Variants in SNTG2 observed in about 807,000 individuals in gnomAD.
SNTG2 encodes the protein syntrophin gamma 2.
In SNTG2, 74 loss-of-function variants were observed where a neutral mutation model predicts 70.9. The observed-to-expected ratio is 1.04, with a 90% CI of 0.86 to 1.27. The LOEUF (loss-of-function observed/expected upper bound fraction) is 1.27, where lower values mean the gene tolerates loss of function less well. Ranked by LOEUF, SNTG2 falls within the 50% of genes most tolerant of loss-of-function variation. The pLI is 0.00. For missense variants in SNTG2, 717 were observed against 690.7 expected, an observed-to-expected ratio of 1.04 and a Z score of -0.43; for synonymous variants, 278 against 273.8, an observed-to-expected ratio of 1.02 and a Z score of -0.15.
intron 4 of SNTG2, among the ~76,000 whole-genome samples, chr2:1,112,168 C>T (rs568064831): frequency 4.0e-5 from 6 of 151,464 alleles, no homozygotes; most frequent in Admixed American, 1.3e-4. Context: ...TGAGAAGGAT[C>T]GTGTGTACTA....
intron 1 of SNTG2, among the ~76,000 whole-genome samples, chr2:1,077,582 A>AT: frequency 2.0e-5 from 3 of 152,172 alleles, no homozygotes; most frequent in Admixed American, 2.0e-4. Flanking sequence ...CGAATATGGT[A>AT]TTTTTGTTAC....
intron 10 of SNTG2, among the ~76,000 whole-genome samples, chr2:1,238,642 C>T (rs1366307912): frequency 2.0e-5 from 3 of 152,196 alleles, no homozygotes; most frequent in African/African-American, 2.4e-5. Context: ...TGCCTGGACT[C>T]GGACATGGAG....
intron 1 of SNTG2, among the ~76,000 whole-genome samples, chr2:1,021,200 C>T (rs1660152169): frequency 6.6e-6 from 1 of 152,134 alleles, no homozygotes; most frequent in African/African-American, 2.4e-5. Flanking sequence ...ATTACATATA[C>T]ATGGTGCACT....
chr2:1,226,789 T>G (rs1381184575), intron 9 of SNTG2, among the ~76,000 whole-genome samples: 2 of 152,392 alleles, frequency 1.3e-5, no homozygotes, highest in African/African-American at 4.8e-5. Flanking sequence ...CCTGTAAGAA[T>G]CTTTTAGACT....
At chr2:1,134,991 C>T (rs912823201) in intron 4 of SNTG2, among the ~76,000 whole-genome samples, 5 of 152,300 alleles carry the variant, frequency 3.3e-5, no homozygotes, top group East Asian at 3.9e-4. Flanking sequence ...TTGAGACAGA[C>T]GCTGGGCTGC....
chr2:1,170,839 TG>T, intron 7 of SNTG2, among the ~76,000 whole-genome samples: 1 of 152,222 alleles, frequency 6.6e-6, no homozygotes, highest in South Asian at 2.1e-4. Flanking sequence ...TCTTGGGAGA[TG>T]TTTTCCTTCC....
At chr2:1,199,113 CA>C (rs200128912) in intron 8 of SNTG2, among the ~76,000 whole-genome samples, 1,907 of 151,276 alleles carry the variant, frequency 0.013, 45 homozygotes, top group African/African-American at 0.044. Flanking sequence ...CTGATGAACA[CA>C]GACACAAAAA....
intron 1 of SNTG2, among the ~76,000 whole-genome samples, chr2:980,925 A>C (rs1253893700): frequency 6.6e-6 from 1 of 152,168 alleles, no homozygotes; most frequent in Non-Finnish European, 1.5e-5. Flanking sequence ...AATCATCATG[A>C]CAGCCCAATT....
intron 6 of SNTG2, among the ~76,000 whole-genome samples, chr2:1,154,180 G>A (rs1414846403): frequency 6.6e-6 from 1 of 151,988 alleles, no homozygotes; most frequent in African/African-American, 2.4e-5. Context: ...GAGGCGGGAG[G>A]AGCATGGTTG....
chr2:1,047,947 G>T (rs890514566), intron 1 of SNTG2, among the ~76,000 whole-genome samples: 7 of 152,136 alleles, frequency 4.6e-5, no homozygotes, highest in African/African-American at 1.7e-4. Flanking sequence ...TTTTAACCAG[G>T]TGCTGTTCAA....
At position 1,353,145 on chromosome 2, in the gene SNTG2, G is replaced by A. The variant is rs1161798160; in HGVS notation, c.1489-14198G>A. ...CCACTGGGAGCTTGAAACTGGCTGT[G>A]GCGGGAGCACATATACCTCAGCAGT... On this transcript the variant is annotated intron_variant, in intron 16 of 16. Coordinates refer to ENST00000308624, the MANE Select transcript of SNTG2 (RefSeq NM_018968.4). The surrounding 1 kb of genome is among the most constrained non-coding windows in gnomAD (Gnocchi z 4.2). Among the ~76,000 whole-genome samples, 1 of 152,112 alleles carries A rather than the reference G, an allele frequency of 6.6e-6. No homozygotes were observed. The highest frequency in any genetic ancestry group is 1.5e-5 in the Non-Finnish European group (1 of 68,014).
chr2:1,117,911 TG>T (rs367614558), intron 4 of SNTG2, among the ~76,000 whole-genome samples: 10 of 152,328 alleles, frequency 6.6e-5, no homozygotes, highest in Admixed American at 2.6e-4. Context: ...CTGTTGGTTT[TG>T]GGTCCAGGAT....
chr2:1,267,247 G>T, intron 13 of SNTG2, 118 bp from the exon 14 acceptor site: 1 of 922,580 alleles, frequency 1.1e-6, no homozygotes, highest in Non-Finnish European at 1.7e-6. Context: ...CTCCTTGTCT[G>T]CACCCAGGAG....
intron 6 of SNTG2, among the ~76,000 whole-genome samples, chr2:1,152,219 A>C (rs547773111): frequency 6.6e-6 from 1 of 152,298 alleles, no homozygotes; most frequent in Non-Finnish European, 1.5e-5. Flanking sequence ...TAGAGCAATT[A>C]GTCTTCAGTT....
chr2:1,066,950 C>T (rs746456647), intron 1 of SNTG2, among the ~76,000 whole-genome samples: 8 of 152,156 alleles, frequency 5.3e-5, no homozygotes, highest in Admixed American at 5.2e-4. Context: ...TGCAAAACTT[C>T]GTGACCCAGC....
intron 1 of SNTG2, among the ~76,000 whole-genome samples, chr2:961,463 C>G (rs1412925772): frequency 6.6e-6 from 1 of 152,178 alleles, no homozygotes; most frequent in Non-Finnish European, 1.5e-5. Context: ...TGCATTAGTA[C>G]AGCTGCTGGG....
At chr2:1,308,720 T>G in intron 15 of SNTG2, 134 bp downstream of exon 15, 1 of 714,674 alleles carries the variant, frequency 1.4e-6, no homozygotes, top group East Asian at 2.7e-5. Flanking sequence ...AGGCCTTGCT[T>G]TCATAGACTT....
At chr2:1,246,086 C>A (rs1016728414) in intron 11 of SNTG2, among the ~76,000 whole-genome samples, 1 of 152,128 alleles carries the variant, frequency 6.6e-6, no homozygotes, top group Admixed American at 6.6e-5. Context: ...AGTTCATGAT[C>A]CAGTGAAATA....
intron 2 of SNTG2, among the ~76,000 whole-genome samples, chr2:1,095,021 A>G (rs902119791): frequency 7.1e-6 from 1 of 140,502 alleles, no homozygotes; most frequent in Non-Finnish European, 1.6e-5. Flanking sequence ...AAGGCCTTAT[A>G]TGTGTGTCCT....
Sources: allele counts gnomAD v4.1 joint callset (sites outside exome capture counted in the v4.1 genomes callset), GRCh38; gene constraint gnomAD v4.1.1; non-coding constraint Gnocchi (gnomAD v3.1); transcripts MANE v1.5; gene names NCBI Gene and HGNC (gene_info 2026-07-23, HGNC 2026-07-21).